SDK2: variants seen among roughly 807,000 people sequenced by gnomAD.
The protein encoded by SDK2 is protein sidekick-2.
SDK2 carries 105 observed loss-of-function variants against 253.9 expected under a neutral mutation model. That is an observed-to-expected ratio of 0.41 (90% CI 0.35 to 0.49). The LOEUF (loss-of-function observed/expected upper bound fraction) is 0.49, where lower values mean the gene tolerates loss of function less well. Ranked by LOEUF, SDK2 falls within the 20% of genes least tolerant of loss-of-function variation. The probability of loss-of-function intolerance (pLI) is 0.06; values close to 1 mark genes in which losing one functional copy is unlikely to be tolerated. For synonymous variants in SDK2, 1,249 were observed against 1,234.9 expected (o/e 1.01, Z -0.24); for missense variants, 2,608 against 3,003.0 (o/e 0.87, Z 3.07).
intron 1 of SDK2, among the ~76,000 whole-genome samples, chr17:73,525,608 C>G (rs955073935): frequency 1.3e-5 from 2 of 152,122 alleles, no homozygotes; most frequent in African/African-American, 2.4e-5. Context: ...CTCCTCACTG[C>G]ACCACCACCT....
intron 1 of SDK2, among the ~76,000 whole-genome samples, chr17:73,571,822 C>T (rs2045391534): frequency 6.6e-6 from 1 of 152,174 alleles, no homozygotes; most frequent in African/African-American, 2.4e-5. Context: ...GGGGCTCTCT[C>T]CTCCCTGGGC....
At chr17:73,518,962 C>T (rs2064053594) in intron 1 of SDK2, 2 of 152,198 alleles carry the variant, frequency 1.3e-5, no homozygotes, top group African/African-American at 4.8e-5. Flanking sequence ...CCTCTGTCAC[C>T]CTTCTCACAG....
In SDK2 at chr17:73,541,152, C is replaced by A. The variant is rs1274987422; in HGVS notation, c.65-33555G>T. Among the ~76,000 whole-genome samples the A allele has an allele frequency of 2.0e-5, 3 of 152,230 alleles. No individual in the cohort carries two copies. The highest frequency in any genetic ancestry group is 7.2e-5 in the African/African-American group (3 of 41,464). On this transcript the variant is annotated intron_variant, in intron 1 of 44. Transcript: ENST00000392650. This position sits in a 1 kb window ranked among gnomAD's most constrained non-coding sequence, Gnocchi z 4.3. Reference sequence around the variant, plus strand: ...CAAAGTGGTATGAGCACCCTCAGAGCAGCTGTGAGGACAGCTCTGGCTGGG... The same window carrying A: ...CAAAGTGGTATGAGCACCCTCAGAGAAGCTGTGAGGACAGCTCTGGCTGGG...
chr17:73,389,503 T>G (rs191909431), intron 29 of SDK2, among the ~76,000 whole-genome samples: 3 of 152,090 alleles, frequency 2.0e-5, no homozygotes, highest in African/African-American at 7.2e-5. Flanking sequence ...TATTTCTATG[T>G]TCTGTAGAGA....
At chr17:73,434,776 G>C (rs1469537505) in intron 9 of SDK2, among the ~76,000 whole-genome samples, 1 of 152,206 alleles carries the variant, frequency 6.6e-6, no homozygotes, top group Non-Finnish European at 1.5e-5. Flanking sequence ...GAGTACAGGT[G>C]TGTGCCACCC....
chr17:73,513,415 C>G (rs1201223314), intron 1 of SDK2, among the ~76,000 whole-genome samples: 1 of 151,998 alleles, frequency 6.6e-6, no homozygotes, highest in African/African-American at 2.4e-5. Context: ...ACCATTTTTT[C>G]CCTTATCACA....
chr17:73,405,162 G>C (rs1475142563), intron 18 of SDK2, among the ~76,000 whole-genome samples: 1 of 3,504 alleles, frequency 2.9e-4, no homozygotes, highest in Non-Finnish European at 9.4e-4. Flanking sequence ...TAAAAGTTAG[G>C]CTGGGCATGG....
intron 8 of SDK2, among the ~76,000 whole-genome samples, chr17:73,436,938 A>T (rs2063374596): frequency 6.6e-6 from 1 of 152,140 alleles, no homozygotes; most frequent in Non-Finnish European, 1.5e-5. Context: ...CTCCCTCCCG[A>T]GAATGTTACA....
chr17:73,495,162 T>C (rs1441303740), intron 2 of SDK2, among the ~76,000 whole-genome samples: 1 of 152,082 alleles, frequency 6.6e-6, no homozygotes, highest in Non-Finnish European at 1.5e-5. Context: ...GCCAGCCAGC[T>C]CTTTACCCCT....
In SDK2 at chr17:73,465,112, A is replaced by G. The variant is rs532761816; in HGVS notation, c.331+7000T>C. Among the ~76,000 whole-genome samples, 10 of 152,284 alleles carry G rather than the reference A, an allele frequency of 6.6e-5. No individual in the cohort carries two copies. Among genetic ancestry groups the G allele is most frequent in the African/African-American group, 2.2e-4 (9 of 41,556 alleles). ...GTCACTTGGCCCCTAAGCATCCTGC[A>G]TTCAATACCCACACCTCAGGCTGAA... On this transcript the variant is annotated intron_variant, in intron 3 of 44. Transcript: ENST00000392650. The surrounding 1 kb of genome is among the most constrained non-coding windows in gnomAD (Gnocchi z 4.2).
intron 1 of SDK2, among the ~76,000 whole-genome samples, chr17:73,636,680 C>CAAAAAAAAAAA (rs561026344): frequency 4.7e-4 from 24 of 50,978 alleles, no homozygotes; most frequent in Admixed American, 6.6e-4. Context: ...GACTCTGTCT[C>CAAAAAAAAAAA]AAAAAAAAAA....
intron 1 of SDK2, among the ~76,000 whole-genome samples, chr17:73,613,803 G>T (rs1439514173): frequency 6.7e-6 from 1 of 148,692 alleles, no homozygotes; most frequent in South Asian, 2.2e-4. Flanking sequence ...GGACAGGGAA[G>T]GGGGAGCCGT....
intron 36 of SDK2, among the ~76,000 whole-genome samples, chr17:73,370,587 C>A (rs1285818113): frequency 6.6e-6 from 1 of 151,686 alleles, no homozygotes; most frequent in Non-Finnish European, 1.5e-5. Flanking sequence ...AAGACAGGGT[C>A]TCATTTTGTC....
At chr17:73,348,453 A>G (rs181091511) in intron 44 of SDK2, 146 bp downstream of exon 44, 15 of 967,928 alleles carry the variant, frequency 1.5e-5, no homozygotes, top group Non-Finnish European at 2.1e-5. Context: ...CAGATGGCCC[A>G]TATATGACTT....
At chr17:73,589,792 G>C (rs1306432752) in intron 1 of SDK2, among the ~76,000 whole-genome samples, 1 of 152,246 alleles carries the variant, frequency 6.6e-6, no homozygotes, top group Non-Finnish European at 1.5e-5. Flanking sequence ...CGCACATTTG[G>C]TTTTGAGCAG....
intron 27 of SDK2, among the ~76,000 whole-genome samples, chr17:73,392,192 G>A (rs2062933696): frequency 8.9e-6 from 1 of 111,994 alleles, no homozygotes. Context: ...GGGGCAGGGG[G>A]TGGGGGAGGG....
At chr17:73,469,989 C>CGG (rs1274048832) in intron 3 of SDK2, among the ~76,000 whole-genome samples, 1 of 110,598 alleles carries the variant, frequency 9.0e-6, no homozygotes, top group Non-Finnish European at 1.9e-5. Flanking sequence ...ACTGCGCGCG[C>CGG]GCGCACACAC....
At chr17:73,358,379 A>G (rs1477807518) in intron 39 of SDK2, among the ~76,000 whole-genome samples, 175 bp from the exon 40 acceptor site, 1 of 152,150 alleles carries the variant, frequency 6.6e-6, no homozygotes, top group East Asian at 1.9e-4. Context: ...GCCTGCCAGG[A>G]TGGACTGTTG....
intron 1 of SDK2, among the ~76,000 whole-genome samples, chr17:73,557,203 C>T (rs1345688794): frequency 2.0e-5 from 3 of 152,246 alleles, no homozygotes; most frequent in African/African-American, 7.2e-5. Flanking sequence ...TGGAATGACA[C>T]AGTTCATAGC....
Sources: gnomAD v4.1 joint callset for allele counts (sites outside exome capture counted in the v4.1 genomes callset) on GRCh38, gnomAD v4.1.1 for gene constraint, Gnocchi (gnomAD v3.1) non-coding constraint, MANE v1.5 for transcripts, NCBI Gene and HGNC (gene_info 2026-07-23, HGNC 2026-07-21) for gene names.